CSMD3: variants seen among roughly 807,000 people sequenced by gnomAD.
CSMD3 encodes CUB and sushi domain-containing protein 3.
A neutral mutation model predicts 435.2 loss-of-function variants in CSMD3; 177 were observed. The ratio of observed to expected loss-of-function variants is 0.41; its 90% confidence interval spans 0.36 to 0.46. CSMD3 has a LOEUF of 0.46. CSMD3 is among the 20% of genes least tolerant of loss of function. The pLI, the probability that CSMD3 is intolerant of heterozygous loss-of-function variation, is 0.34. For missense variants in CSMD3, 4,265 were observed against 4,504.6 expected (o/e 0.95, Z 1.52); for synonymous variants, 1,656 against 1,520.5 (o/e 1.09, Z -2.07).
At chr8:113,253,678 A>G (rs184873145) in intron 3 of CSMD3, among the ~76,000 whole-genome samples, 116 of 151,970 alleles carry the variant, frequency 7.6e-4, no homozygotes, top group African/African-American at 2.8e-3. Flanking sequence ...CGTCTATACT[A>G]AAAACACAAA....
intron 32 of CSMD3, among the ~76,000 whole-genome samples, chr8:112,448,347 C>T (rs1586357471): frequency 6.6e-6 from 1 of 152,270 alleles, no homozygotes; most frequent in Middle Eastern, 3.4e-3. Context: ...ATTAGAGCTT[C>T]CACATATGAA....
At chr8:113,094,354 G>C (rs538037838) in intron 5 of CSMD3, among the ~76,000 whole-genome samples, 1 of 152,104 alleles carries the variant, frequency 6.6e-6, no homozygotes, top group East Asian at 1.9e-4. Context: ...TCACCCTTTA[G>C]TTACTGTAAC....
chr8:112,335,149 T>A (rs1824438300), intron 45 of CSMD3, among the ~76,000 whole-genome samples, 180 bp downstream of exon 45: 1 of 152,240 alleles, frequency 6.6e-6, no homozygotes, highest in Non-Finnish European at 1.5e-5. Context: ...TGTCCCTGAA[T>A]ACTTAGAAGA....
chr8:112,416,672 T>G (rs1811945373), intron 32 of CSMD3, among the ~76,000 whole-genome samples: 1 of 152,208 alleles, frequency 6.6e-6, no homozygotes, highest in Non-Finnish European at 1.5e-5. Context: ...ATTACCATAA[T>G]TCAATGATCA....
chr8:113,306,837 T>C (rs1231161374), intron 2 of CSMD3, among the ~76,000 whole-genome samples: 1 of 152,148 alleles, frequency 6.6e-6, no homozygotes, highest in African/African-American at 2.4e-5. Context: ...AAGCTACAGA[T>C]GGTTTATTCA....
At chr8:112,889,012 T>A (rs2130305149) in intron 10 of CSMD3, among the ~76,000 whole-genome samples, 1 of 151,804 alleles carries the variant, frequency 6.6e-6, no homozygotes. Context: ...ACTGGATATT[T>A]TTAGAAAGTT....
At chr8:112,671,279 A>G (rs371594762) in intron 16 of CSMD3, among the ~76,000 whole-genome samples, 6 of 151,650 alleles carry the variant, frequency 4.0e-5, no homozygotes, top group Non-Finnish European at 7.4e-5. Flanking sequence ...TGAAATGTAC[A>G]TTTTCTCCCA....
At chr8:112,921,007 A>G (rs993760831) in intron 10 of CSMD3, among the ~76,000 whole-genome samples, 17 of 135,184 alleles carry the variant, frequency 1.3e-4, no homozygotes, top group African/African-American at 4.0e-4. Context: ...GCACACACAC[A>G]CACACACACA....
chr8:113,243,237 T>C (rs1371654709), intron 3 of CSMD3, among the ~76,000 whole-genome samples: 1 of 152,018 alleles, frequency 6.6e-6, no homozygotes, highest in Non-Finnish European at 1.5e-5. Context: ...AAAAAGAATG[T>C]CTTCATTGAG....
At chr8:112,963,841 G>T (rs182491359) in intron 7 of CSMD3, among the ~76,000 whole-genome samples, 1 of 151,734 alleles carries the variant, frequency 6.6e-6, no homozygotes, top group South Asian at 2.1e-4. Context: ...GTATATATTC[G>T]TATCCAATAT....
chr8:112,589,292 C>T (rs1177485560), intron 22 of CSMD3, among the ~76,000 whole-genome samples: 1 of 152,180 alleles, frequency 6.6e-6, no homozygotes, highest in South Asian at 2.1e-4. Context: ...TACTACTGGC[C>T]CTTGGCCACA....
intron 2 of CSMD3, among the ~76,000 whole-genome samples, chr8:113,281,095 C>T (rs1194247678): frequency 6.6e-6 from 1 of 151,666 alleles, no homozygotes; most frequent in African/African-American, 2.4e-5. Context: ...ATCTACTGGT[C>T]TATCTTGTAG....
intron 27 of CSMD3, among the ~76,000 whole-genome samples, chr8:112,545,429 C>T (rs190579985): frequency 7.4e-6 from 1 of 135,818 alleles, no homozygotes; most frequent in African/African-American, 2.8e-5. Context: ...GTTGCAGTGA[C>T]CCAAGATCGT....
At chr8:112,883,102 T>A (rs981581845) in intron 10 of CSMD3, among the ~76,000 whole-genome samples, 2 of 151,922 alleles carry the variant, frequency 1.3e-5, no homozygotes, top group African/African-American at 4.8e-5. Flanking sequence ...ATGTCCAGGA[T>A]AAAGGAGCAC....
At chr8:113,416,280 C>T (rs890101698) in intron 1 of CSMD3, among the ~76,000 whole-genome samples, 1 of 152,062 alleles carries the variant, frequency 6.6e-6, no homozygotes, top group Admixed American at 6.5e-5. Flanking sequence ...TGTTGTTGGT[C>T]GTAGTTGTTC....
intron 1 of CSMD3, among the ~76,000 whole-genome samples, chr8:113,420,111 G>C (rs1303714910): frequency 6.6e-6 from 1 of 151,946 alleles, no homozygotes; most frequent in African/African-American, 2.4e-5. Flanking sequence ...TGCAACAAAT[G>C]GGCAATATTA....
chr8:112,768,993 C>G (rs2078048327), intron 13 of CSMD3, among the ~76,000 whole-genome samples: 1 of 151,950 alleles, frequency 6.6e-6, no homozygotes, highest in Non-Finnish European at 1.5e-5. Flanking sequence ...ACTCCATATG[C>G]TTGCTTATTT....
chr8:113,227,860 T>C (rs2093045176), intron 3 of CSMD3, among the ~76,000 whole-genome samples: 1 of 151,648 alleles, frequency 6.6e-6, no homozygotes, highest in Non-Finnish European at 1.5e-5. Context: ...ACAGTCTCTC[T>C]AGAAACACTC....
In CSMD3 at chr8:112,224,793, T is replaced by C. The variant is rs1281541976; in HGVS notation, c.11102A>G (p.Asn3701Ser). 16 of 1,613,954 alleles carry C rather than the reference T, an allele frequency of 9.9e-6. No homozygotes were observed. The highest frequency in any genetic ancestry group is 1.3e-5 in the Non-Finnish European group (15 of 1,179,922). ...GKAVRFDPNL[N>S]TVCTMV The stretch of plus-strand genomic sequence containing the variant: ...TCGTTATACCATTGTGCAAACCGTG[T>C]TCAAGTTGGGATCAAATCGTACCGC... Residue 3701 changes from asparagine to serine, a missense_variant, in exon 71 of 71, where the codon AAC (asparagine) becomes AGC (serine). Asn to Ser is a conservative substitution (Grantham distance 46). This residue lies in a region of CSMD3 where 3,255 missense variants were observed against 3,380.2 expected (regional missense o/e 0.96). Coordinates refer to ENST00000297405, the MANE Select transcript of CSMD3 (RefSeq NM_198123.2).
Sources: allele counts gnomAD v4.1 joint callset (sites outside exome capture counted in the v4.1 genomes callset), GRCh38; gene constraint gnomAD v4.1.1; regional missense constraint gnomAD v4.1.1; transcripts MANE v1.5; gene names NCBI Gene and HGNC (gene_info 2026-07-23, HGNC 2026-07-21).